Variants in TANC1 observed in about 807,000 individuals in gnomAD.
TANC1 encodes the protein tetratricopeptide repeat, ankyrin repeat and coiled-coil containing 1, also known as protein TANC1.
In TANC1, 77 loss-of-function variants were observed where a neutral mutation model predicts 149.7. The observed-to-expected ratio is 0.51, with a 90% CI of 0.43 to 0.62. The LOEUF is 0.62. TANC1 is among the 20% of genes least tolerant of loss of function. The pLI, the probability that TANC1 is intolerant of heterozygous loss-of-function variation, is 0.00. For missense variants in TANC1, 1,985 were observed against 2,321.8 expected (o/e 0.85, Z 2.98); for synonymous variants, 854 against 925.0 (o/e 0.92, Z 1.39).
At chr2:159,183,387 T>C (rs2056676135) in intron 14 of TANC1, among the ~76,000 whole-genome samples, 2 of 152,120 alleles carry the variant, frequency 1.3e-5, no homozygotes, top group African/African-American at 4.8e-5. Context: ...CAGTTGAAGA[T>C]CTAGCATCAC....
At chr2:158,987,335 G>A (rs1473630111) in intron 1 of TANC1, among the ~76,000 whole-genome samples, 1 of 151,844 alleles carries the variant, frequency 6.6e-6, no homozygotes, top group African/African-American at 2.4e-5. Context: ...AGACCAGCCT[G>A]GGCAACATGG....
At position 159,164,225 on chromosome 2, in the gene TANC1, A is replaced by G. The variant is rs141688816; in HGVS notation, c.946+679A>G. Among the ~76,000 whole-genome samples, 706 of 152,324 alleles carry G rather than the reference A, an allele frequency of 4.6e-3. 2 individuals are homozygous for G. Among genetic ancestry groups the G allele is most frequent in the African/African-American group, 0.017 (686 of 41,556 alleles). On this transcript the variant is annotated intron_variant, in intron 8 of 26. Coordinates refer to ENST00000263635, the MANE Select transcript of TANC1 (RefSeq NM_033394.3). ...CCCCTGTATCTATAGTTCTACATCT[A>G]TGGATTCATCCAGCCATGGAGCAGA...
Position 159,230,791 on chromosome 2 carries a change from A to G in TANC1, c.5365A>G (p.Thr1789Ala), listed in dbSNP as rs1273627599. ...CCAAGCCAAAACCTGTTCTGTTTCT[A>G]CCCTGAGTGCAAGTGTCCACAATGG... is the stretch of plus-strand genomic sequence containing the variant. ...NNQAKTCSVS[T>A]LSASVHNGAQ... The change falls in exon 27 of 27, where the codon ACC becomes GCC. Residue 1789 changes from threonine to alanine, a missense_variant. By Grantham distance (58) the Thr-to-Ala change is moderately conservative (BLOSUM62 0). Coordinates refer to ENST00000263635, the MANE Select transcript of TANC1 (RefSeq NM_033394.3). The surrounding 1 kb of genome is among the most constrained non-coding windows in gnomAD (Gnocchi z 4.4). 3 of 1,614,068 alleles carry G rather than the reference A, an allele frequency of 1.9e-6. No individual in the cohort carries two copies. The highest frequency in any genetic ancestry group is 2.7e-5 in the African/African-American group (2 of 74,922).
chr2:158,980,515 ACCTGTAATCC>A (rs2034175923), intron 1 of TANC1, among the ~76,000 whole-genome samples: 1 of 152,110 alleles, frequency 6.6e-6, no homozygotes, highest in Admixed American at 6.5e-5. Context: ...GGTGGCTCAC[ACCTGTAATCC>A]CAGCACTTTG....
chr2:159,219,449 C>T (rs1575334095), intron 21 of TANC1, 88 bp downstream of exon 21: 1 of 1,567,184 alleles, frequency 6.4e-7, no homozygotes, highest in Non-Finnish European at 8.7e-7. Flanking sequence ...GATTCAAATT[C>T]TAAGTTTTCT....
chr2:159,018,476 AC>A (rs80289327), intron 2 of TANC1, among the ~76,000 whole-genome samples: 11,351 of 152,198 alleles, frequency 0.075, 640 homozygotes, highest in East Asian at 0.16. Flanking sequence ...TTTTTAAAAA[AC>A]TGTAGTAAAA....
chr2:159,172,210 G>C lies in TANC1; in HGVS notation c.1441G>C (p.Gly481Arg). 6.2e-7 allele frequency: 1 copy of C among 1,614,178 alleles called. No homozygotes were observed. Among genetic ancestry groups the C allele is most frequent in the Non-Finnish European group, 8.5e-7 (1 of 1,180,008 alleles). ...TTCCAGCACAGCTAAAACACCTCTT[G>C]GGTCTATCAGTGCTGAAAACCAGAG... The part of the protein sequence containing the change: ...SASSTAKTPL[G>R]SISAENQRPR... The change falls in exon 11 of 27, where the codon GGG (glycine) becomes CGG (arginine). Residue 481 changes from glycine (G) to arginine (R), a missense_variant. Around this residue, in one of 3 missense-constraint regions of TANC1, gnomAD observed 557 missense variants for 612.9 expected, o/e 0.91. Coordinates refer to ENST00000263635, the MANE Select transcript of TANC1 (RefSeq NM_033394.3).
At chr2:159,029,427 A>G (rs1346334446) in intron 2 of TANC1, among the ~76,000 whole-genome samples, 1 of 152,154 alleles carries the variant, frequency 6.6e-6, no homozygotes, top group South Asian at 2.1e-4. Context: ...GAACATGTGC[A>G]TTGTTCCATG....
chr2:159,032,604 C>T (rs2039873243), intron 2 of TANC1, among the ~76,000 whole-genome samples: 1 of 152,152 alleles, frequency 6.6e-6, no homozygotes, highest in East Asian at 1.9e-4. Context: ...AGATTCTCTC[C>T]TGTCAGTCGC....
At chr2:158,984,682 G>C (rs978020123) in intron 1 of TANC1, among the ~76,000 whole-genome samples, 1 of 152,062 alleles carries the variant, frequency 6.6e-6, no homozygotes, top group African/African-American at 2.4e-5. Flanking sequence ...GGAGGAGTAG[G>C]GGGAGGAGGA....
intron 2 of TANC1, among the ~76,000 whole-genome samples, chr2:159,033,827 G>A (rs572122310): frequency 3.9e-4 from 59 of 152,272 alleles, no homozygotes; most frequent in Non-Finnish European, 7.5e-4. Context: ...CTGCATGTGC[G>A]CCAGCTGGTT....
At chr2:159,019,569 T>A (rs968519416) in intron 2 of TANC1, among the ~76,000 whole-genome samples, 1 of 151,784 alleles carries the variant, frequency 6.6e-6, no homozygotes, top group East Asian at 1.9e-4. Context: ...CAGTTGGTAC[T>A]TCTGGGCAGT....
intron 3 of TANC1, among the ~76,000 whole-genome samples, chr2:159,094,273 T>C (rs770736124): frequency 6.6e-6 from 1 of 152,198 alleles, no homozygotes; most frequent in Non-Finnish European, 1.5e-5. Flanking sequence ...TCAAACCACA[T>C]GGAAAACCAG....
chr2:158,993,574 C>T (rs1158458426), intron 1 of TANC1, among the ~76,000 whole-genome samples: 1 of 152,114 alleles, frequency 6.6e-6, no homozygotes, highest in Non-Finnish European at 1.5e-5. Context: ...GGGAAATCCT[C>T]TGTTCTTAAG....
Position 159,069,370 on chromosome 2 carries a change from G to A in TANC1, c.61+3399G>A, listed in dbSNP as rs75942043. On this transcript the variant is annotated intron_variant, in intron 3 of 26. Coordinates refer to ENST00000263635, the MANE Select transcript of TANC1 (RefSeq NM_033394.3). ...AATACAGGGAGAAGGCCAGATGAGG[G>A]CATCTTATTTTTTTTCCTCTCCCTG... 2.1e-3 allele frequency among the ~76,000 whole-genome samples: 321 copies of A among 152,148 alleles called. 2 individuals carry two copies. The highest frequency in any genetic ancestry group is 7.2e-3 in the African/African-American group (298 of 41,502).
At chr2:159,054,574 T>C (rs1225219128) in intron 2 of TANC1, among the ~76,000 whole-genome samples, 1 of 152,214 alleles carries the variant, frequency 6.6e-6, no homozygotes, top group African/African-American at 2.4e-5. Flanking sequence ...GAGATCATTC[T>C]GTGATGAATA....
chr2:159,117,083 G>T (rs896215092), intron 4 of TANC1, among the ~76,000 whole-genome samples: 2 of 152,168 alleles, frequency 1.3e-5, no homozygotes, highest in African/African-American at 4.8e-5. Flanking sequence ...CTTCAGTGAA[G>T]CAGTGTTTGC....
intron 5 of TANC1, among the ~76,000 whole-genome samples, chr2:159,143,046 GA>G (rs1208504024): frequency 3.0e-5 from 4 of 131,780 alleles, no homozygotes; most frequent in African/African-American, 1.1e-4. Flanking sequence ...CTGGGCCACA[GA>G]GCGAGACTCT....
chr2:159,217,689 G>A (rs2059434662), intron 20 of TANC1, 59 bp downstream of exon 20: 10 of 1,591,910 alleles, frequency 6.3e-6, no homozygotes, highest in Middle Eastern at 2.2e-4. Flanking sequence ...GTTCACTATT[G>A]CCTGGCTCCC....
Sources: allele counts gnomAD v4.1 joint callset (sites outside exome capture counted in the v4.1 genomes callset), GRCh38; gene constraint gnomAD v4.1.1; regional missense constraint gnomAD v4.1.1; non-coding constraint Gnocchi (gnomAD v3.1); transcripts MANE v1.5; gene names NCBI Gene and HGNC (gene_info 2026-07-23, HGNC 2026-07-21).